Variants in CNTN1 observed in about 807,000 individuals in gnomAD.
CNTN1 encodes contactin-1.
Under a neutral mutation model 126.4 loss-of-function variants are expected in CNTN1, and 38 were observed. The observed-to-expected ratio is 0.30, with a 90% CI of 0.23 to 0.39. The LOEUF is 0.39. CNTN1 is among the 10% of genes least tolerant of loss of function. The pLI is 1.00. For missense variants in CNTN1, 1,009 were observed against 1,248.4 expected, an observed-to-expected ratio of 0.81 and a Z score of 2.89; for synonymous variants, 413 against 422.6, an observed-to-expected ratio of 0.98 and a Z score of 0.28.
intron 1 of CNTN1, among the ~76,000 whole-genome samples, chr12:40,881,451 C>A (rs961705422): frequency 6.6e-6 from 1 of 151,778 alleles, no homozygotes; most frequent in Non-Finnish European, 1.5e-5. Flanking sequence ...TAGGGCTATA[C>A]TATGGCCAGA....
chr12:40,848,432 G>A (rs1489166846), intron 1 of CNTN1, among the ~76,000 whole-genome samples: 1 of 152,030 alleles, frequency 6.6e-6, no homozygotes, highest in Non-Finnish European at 1.5e-5. Flanking sequence ...GACTATGTAA[G>A]CTGTCACAAT....
At chr12:41,054,727 CT>C (rs1355925609) in intron 23 of CNTN1, among the ~76,000 whole-genome samples, 35 of 152,070 alleles carry the variant, frequency 2.3e-4, no homozygotes, top group African/African-American at 7.9e-4. Flanking sequence ...AACTCATTCT[CT>C]AGTTATTAGA....
At chr12:41,043,304 GA>G (rs1160908958) in intron 23 of CNTN1, among the ~76,000 whole-genome samples, 1 of 151,862 alleles carries the variant, frequency 6.6e-6, no homozygotes, top group Non-Finnish European at 1.5e-5. Context: ...AAATTTACAA[GA>G]AAAAAACAAA....
chr12:40,927,851 G>A (rs910425492), intron 6 of CNTN1, among the ~76,000 whole-genome samples: 2 of 151,914 alleles, frequency 1.3e-5, no homozygotes, highest in South Asian at 4.2e-4. Context: ...ATAACTTCTC[G>A]GATTTAGCAT....
chr12:40,920,784 A>G (rs1945412543), intron 4 of CNTN1, among the ~76,000 whole-genome samples: 1 of 152,170 alleles, frequency 6.6e-6, no homozygotes, highest in Admixed American at 6.5e-5. Flanking sequence ...CCAAAGAAAC[A>G]AGCATTACAA....
At chr12:40,847,792 C>A (rs1301988357) in intron 1 of CNTN1, among the ~76,000 whole-genome samples, 7 of 152,156 alleles carry the variant, frequency 4.6e-5, no homozygotes, top group Admixed American at 4.6e-4. Flanking sequence ...AATCAGTGGC[C>A]CCCAACCGTT....
chr12:40,983,855 A>T (rs534210763), intron 16 of CNTN1, among the ~76,000 whole-genome samples: 3 of 139,294 alleles, frequency 2.2e-5, no homozygotes, highest in South Asian at 2.3e-4. Flanking sequence ...ATATTTTATT[A>T]TATGCTATTA....
chr12:40,700,128 A>C (rs1054157644), intron 1 of CNTN1, among the ~76,000 whole-genome samples: 2 of 152,098 alleles, frequency 1.3e-5, no homozygotes, highest in East Asian at 3.9e-4. Flanking sequence ...ACACACACAC[A>C]CCATATTACC....
intron 23 of CNTN1, among the ~76,000 whole-genome samples, chr12:41,053,829 A>G (rs1171872386): frequency 6.6e-6 from 1 of 151,716 alleles, no homozygotes; most frequent in African/African-American, 2.4e-5. Flanking sequence ...CTGACTTTTT[A>G]ATCCTTTTTT....
intron 15 of CNTN1, 41 bp downstream of exon 15, chr12:40,959,275 T>C: frequency 6.2e-7 from 1 of 1,606,016 alleles, no homozygotes; most frequent in Non-Finnish European, 8.5e-7. Flanking sequence ...ACCAAAAGTA[T>C]TTGACTTGCA....
At chr12:40,734,481 G>A (rs764022064) in intron 1 of CNTN1, among the ~76,000 whole-genome samples, 16 of 152,102 alleles carry the variant, frequency 1.1e-4, no homozygotes, top group Non-Finnish European at 2.2e-4. Flanking sequence ...GCAGGGCATC[G>A]TGGATGAAGA....
chr12:40,759,868 A>G (rs1422681636), intron 1 of CNTN1, among the ~76,000 whole-genome samples: 1 of 150,052 alleles, frequency 6.7e-6, no homozygotes, highest in Non-Finnish European at 1.5e-5. Context: ...AACTGATTTG[A>G]CTTTATTATA....
intron 1 of CNTN1, among the ~76,000 whole-genome samples, chr12:40,709,684 C>T (rs1336391234): frequency 6.6e-6 from 1 of 152,190 alleles, no homozygotes; most frequent in African/African-American, 2.4e-5. Context: ...TTTACATCAC[C>T]ACATCCTGCT....
At chr12:41,036,836 T>C (rs1949278450) in intron 23 of CNTN1, among the ~76,000 whole-genome samples, 1 of 152,228 alleles carries the variant, frequency 6.6e-6, no homozygotes, top group East Asian at 1.9e-4. Flanking sequence ...TTTTAAAGGC[T>C]TGGCATATAC....
intron 17 of CNTN1, among the ~76,000 whole-genome samples, chr12:40,994,604 G>C (rs778115684): frequency 1.3e-5 from 2 of 152,012 alleles, no homozygotes; most frequent in Admixed American, 6.6e-5. Context: ...AACATATGCA[G>C]CTCTAGGGAA....
chr12:40,840,937 G>T (rs944089056), intron 1 of CNTN1, among the ~76,000 whole-genome samples: 2 of 150,184 alleles, frequency 1.3e-5, no homozygotes, highest in African/African-American at 4.9e-5. Flanking sequence ...ATTAGCAGAT[G>T]AAAAAAAATA....
At chr12:40,948,410 G>T (rs960303167) in intron 14 of CNTN1, among the ~76,000 whole-genome samples, 1 of 149,488 alleles carries the variant, frequency 6.7e-6, no homozygotes, top group Admixed American at 6.7e-5. Flanking sequence ...GGTAATAATA[G>T]CCAACATTTA....
chr12:40,773,984 T>A (rs531181948), intron 1 of CNTN1, among the ~76,000 whole-genome samples: 2 of 151,468 alleles, frequency 1.3e-5, no homozygotes, highest in South Asian at 4.2e-4. Flanking sequence ...CAATTTAAGC[T>A]CAACGACGGA....
rs1233595227 is a variant in CNTN1 at position 40,813,050 on chromosome 12, T to TCCTCCTTC, written c.-76-95306_-76-95305insCTCCTTCC. 1.4e-3 allele frequency among the ~76,000 whole-genome samples: 182 copies of TCCTCCTTC among 132,076 alleles called. 1 individual carries two copies. Among genetic ancestry groups the TCCTCCTTC allele is most frequent in the African/African-American group, 4.6e-3 (162 of 35,046 alleles). 86.6% of individuals were successfully genotyped at this position (132,076 alleles called of 152,430 possible). A position where few individuals can be genotyped will look rare whatever the true frequency, so the allele number is the denominator to read the frequency against. On this transcript the variant is annotated intron_variant, in intron 1 of 23. Transcript: ENST00000551295. ...TTTCTCTTTCTTTCCTTTCTTTCTT[T>TCCTCCTTC]CTTTCTTTCTTCCTTCCTTCCTTCC...
Sources: allele counts gnomAD v4.1 joint callset (sites outside exome capture counted in the v4.1 genomes callset), GRCh38; gene constraint gnomAD v4.1.1; transcripts MANE v1.5; gene names NCBI Gene and HGNC (gene_info 2026-07-23, HGNC 2026-07-21).